DTWD2: variants seen among roughly 807,000 people sequenced by gnomAD.
DTWD2 encodes the protein DTW motif tRNA-uridine aminocarboxypropyltransferase 2, also known as tRNA-uridine aminocarboxypropyltransferase 2.
In DTWD2, 39 loss-of-function variants were observed where a neutral mutation model predicts 31.8. That is an observed-to-expected ratio of 1.22 (90% confidence interval 0.95 to 1.60). The LOEUF (loss-of-function observed/expected upper bound fraction) is 1.60. Ranked by LOEUF, DTWD2 falls within the 40% of genes most tolerant of loss-of-function variation. The pLI, the probability that DTWD2 is intolerant of heterozygous loss-of-function variation, is 0.00. For synonymous variants in DTWD2, 180 were observed against 142.8 expected, an observed-to-expected ratio of 1.26 and a Z score of -1.86; for missense variants, 515 against 381.5, an observed-to-expected ratio of 1.35 and a Z score of -2.92.
intron 4 of DTWD2, among the ~76,000 whole-genome samples, chr5:118,890,268 T>C (rs1425631963): frequency 6.6e-6 from 1 of 152,226 alleles, no homozygotes; most frequent in Non-Finnish European, 1.5e-5. Context: ...TTGTTTGTCC[T>C]ACACATTTCA....
intron 1 of DTWD2, among the ~76,000 whole-genome samples, chr5:118,946,618 A>G (rs746768804): frequency 3.3e-5 from 5 of 152,222 alleles, no homozygotes; most frequent in Non-Finnish European, 7.3e-5. Context: ...AAGTATCTCT[A>G]TGCTAATAGT....
intron 4 of DTWD2, among the ~76,000 whole-genome samples, chr5:118,889,338 G>A (rs907731950): frequency 6.6e-6 from 1 of 151,786 alleles, no homozygotes; most frequent in Non-Finnish European, 1.5e-5. Flanking sequence ...AAAATAAACT[G>A]GAAAAACAAA....
chr5:118,897,089 T>C (rs1286946976), intron 4 of DTWD2, among the ~76,000 whole-genome samples: 1 of 152,224 alleles, frequency 6.6e-6, no homozygotes, highest in Non-Finnish European at 1.5e-5. Flanking sequence ...ACAGTCAGGT[T>C]TAGTGATTCT....
Position 118,840,770 on chromosome 5 carries a change from T to C in DTWD2, c.*147A>G, listed in dbSNP as rs1751692998. The C allele has an allele frequency of 2.7e-6, 2 of 749,442 alleles. No individual in the cohort carries two copies. The highest frequency in any genetic ancestry group is 7.2e-5 in the South Asian group (2 of 27,928). 46.4% of individuals were successfully genotyped at this position (749,442 alleles called of 1,614,324 possible). A position where few individuals can be genotyped will look rare whatever the true frequency, so the allele number is the denominator to read the frequency against. On this transcript the variant is annotated 3_prime_UTR_variant, in exon 6 of 6. Coordinates refer to ENST00000510708, the MANE Select transcript of DTWD2 (RefSeq NM_173666.4). ...TTCTGTTTATTTGTATTTATGAATA[T>C]TTGGTTTACTTCCTTCTTCTGGGTA...
intron 4 of DTWD2, among the ~76,000 whole-genome samples, chr5:118,916,131 T>C (rs1753570680): frequency 1.3e-5 from 2 of 152,214 alleles, no homozygotes; most frequent in Non-Finnish European, 2.9e-5. Flanking sequence ...AGACAACTAA[T>C]ATCTCAACGA....
At chr5:118,844,388 A>T (rs769861797) in intron 5 of DTWD2, among the ~76,000 whole-genome samples, 3 of 152,212 alleles carry the variant, frequency 2.0e-5, no homozygotes, top group Non-Finnish European at 2.9e-5. Flanking sequence ...CCAAGGTATG[A>T]AAAGTCCTGG....
chr5:118,862,264 C>A (rs1397799905), intron 4 of DTWD2, among the ~76,000 whole-genome samples: 1 of 152,192 alleles, frequency 6.6e-6, no homozygotes, highest in Non-Finnish European at 1.5e-5. Context: ...GGAAACCAGT[C>A]CCTGGGTGCC....
chr5:118,860,111 C>A (rs895336155), intron 4 of DTWD2, among the ~76,000 whole-genome samples: 1 of 151,202 alleles, frequency 6.6e-6, no homozygotes, highest in East Asian at 1.9e-4. Context: ...CAGAGTGAGA[C>A]CCTGTCTCAA....
intron 1 of DTWD2, among the ~76,000 whole-genome samples, chr5:118,964,214 T>A (rs1754771757): frequency 7.6e-6 from 1 of 132,390 alleles, no homozygotes; most frequent in Admixed American, 7.6e-5. Context: ...CAAGACTCCA[T>A]CTCAAAAAAA....
chr5:118,963,249 T>G (rs1197323284), intron 1 of DTWD2, among the ~76,000 whole-genome samples: 1 of 152,306 alleles, frequency 6.6e-6, no homozygotes, highest in East Asian at 1.9e-4. Flanking sequence ...GGGAGATAGC[T>G]AGAAGGATAA....
At chr5:118,865,563 C>A (rs1314508638) in intron 4 of DTWD2, among the ~76,000 whole-genome samples, 1 of 152,070 alleles carries the variant, frequency 6.6e-6, no homozygotes, top group Non-Finnish European at 1.5e-5. Flanking sequence ...CTCAAACTTC[C>A]TTTGAAGTTA....
At chr5:118,843,371 G>GGAAGGAAGGAAGGAAGGAAGGGAGGA (rs1751770433) in intron 5 of DTWD2, among the ~76,000 whole-genome samples, 10 of 143,746 alleles carry the variant, frequency 7.0e-5, no homozygotes, top group African/African-American at 2.7e-4. Flanking sequence ...GGGAGGAAGG[G>GGAAGGAAGGAAGGAAGGAAGGGAGGA]AGGAAGGAAG....
chr5:118,941,167 C>A (rs1212931082), intron 2 of DTWD2, among the ~76,000 whole-genome samples: 3 of 151,506 alleles, frequency 2.0e-5, no homozygotes, highest in Non-Finnish European at 4.4e-5. Flanking sequence ...ATCCTTTTTT[C>A]TTTTTATTAT....
intron 1 of DTWD2, among the ~76,000 whole-genome samples, chr5:118,965,401 G>A (rs904564247): frequency 6.6e-6 from 1 of 151,874 alleles, no homozygotes; most frequent in Non-Finnish European, 1.5e-5. Flanking sequence ...CCCTCTGCCC[G>A]GCCGCCACCC....
intron 5 of DTWD2, among the ~76,000 whole-genome samples, chr5:118,842,903 T>C (rs1404839443): frequency 6.8e-6 from 1 of 148,088 alleles, no homozygotes; most frequent in Non-Finnish European, 1.5e-5. Flanking sequence ...GCCACGATCA[T>C]ACCACTGCAC....
At chr5:118,903,705 A>G (rs1178428425) in intron 4 of DTWD2, among the ~76,000 whole-genome samples, 1 of 152,022 alleles carries the variant, frequency 6.6e-6, no homozygotes, top group Non-Finnish European at 1.5e-5. Flanking sequence ...CGTCATTATG[A>G]AGATGAAATC....
intron 4 of DTWD2, among the ~76,000 whole-genome samples, chr5:118,884,736 G>A (rs1015837062): frequency 6.6e-6 from 1 of 152,106 alleles, no homozygotes; most frequent in Non-Finnish European, 1.5e-5. Context: ...GCTGGGCGTG[G>A]TGGCTCATGC....
intron 1 of DTWD2, among the ~76,000 whole-genome samples, chr5:118,964,904 G>A (rs1446211095): frequency 5.3e-5 from 8 of 150,560 alleles, no homozygotes; most frequent in African/African-American, 9.8e-5. Flanking sequence ...GCCGCCCATC[G>A]TCTGGGATGT....
Position 118,918,859 on chromosome 5 carries a change from C to A in DTWD2, c.597+9678G>T, listed in dbSNP as rs74477572. Reference sequence around the variant, plus strand: ...AAAAAAAAAAGAAAAGGAATGTGACCTCACAACCACTGGAAAACCTATGCT... The same window carrying A: ...AAAAAAAAAAGAAAAGGAATGTGACATCACAACCACTGGAAAACCTATGCT... On this transcript the variant is annotated intron_variant, in intron 4 of 5. Transcript: ENST00000510708. Among the ~76,000 whole-genome samples the A allele has an allele frequency of 1.5e-3, 234 of 151,932 alleles. 4 individuals are homozygous for A. The East Asian group carries it at 0.041, about 27-fold the overall frequency.
Sources: gnomAD v4.1 joint callset for allele counts (sites outside exome capture counted in the v4.1 genomes callset) on GRCh38, gnomAD v4.1.1 for gene constraint, MANE v1.5 for transcripts, NCBI Gene and HGNC (gene_info 2026-07-23, HGNC 2026-07-21) for gene names.